Variants in RBM26 observed in about 807,000 individuals in gnomAD.
The protein encoded by RBM26 is RNA binding motif protein 26.
Under a neutral mutation model 123.6 loss-of-function variants are expected in RBM26, and 30 were observed. That is an observed-to-expected ratio of 0.24 (90% CI 0.18 to 0.33). The LOEUF (loss-of-function observed/expected upper bound fraction) is 0.33, where lower values mean the gene tolerates loss of function less well. Among genes scored for constraint, RBM26 ranks in the 10% least tolerant of loss-of-function variants. RBM26 has a pLI of 1.00. For missense variants in RBM26, 947 were observed against 1,203.6 expected, an observed-to-expected ratio of 0.79 and a Z score of 3.15; for synonymous variants, 400 against 404.4, an observed-to-expected ratio of 0.99 and a Z score of 0.13.
At chr13:79,405,649 G>T in intron 1 of RBM26, 55 bp downstream of exon 1, 1 of 1,297,778 alleles carries the variant, frequency 7.7e-7, no homozygotes, top group Non-Finnish European at 1.1e-6. Context: ...CAGATCTCTG[G>T]GTCCGCCTAT....
intron 20 of RBM26, among the ~76,000 whole-genome samples, chr13:79,330,898 ACTTAATAACTATTAAGTAT>A (rs1328360448): frequency 6.6e-6 from 1 of 152,152 alleles, no homozygotes; most frequent in Non-Finnish European, 1.5e-5. Flanking sequence ...ACATAGCAGC[ACTTAATAACTATTAAGTAT>A]CAGTAAAAAC....
rs567804901 is a variant in RBM26, at chr13:79,398,506, G to A, written c.71+7198C>T. ...GAAAGTCAATTTATCACAAGTTAAG[G>A]GGATAAAGAAATAAAGAAAAATGTT... is the stretch of plus-strand genomic sequence containing the variant. On this transcript the variant is annotated intron_variant, in intron 1 of 21. Coordinates refer to ENST00000438737, the MANE Select transcript of RBM26 (RefSeq NM_001366735.2). Among the ~76,000 whole-genome samples the A allele has an allele frequency of 4.2e-4, 64 of 152,174 alleles. 1 individual carries two copies. Among genetic ancestry groups the A allele is most frequent in the Admixed American group, 9.8e-4 (15 of 15,282 alleles).
chr13:79,373,487 TATA>T (rs2076299022), intron 3 of RBM26, among the ~76,000 whole-genome samples: 1 of 61,892 alleles, frequency 1.6e-5, no homozygotes, highest in South Asian at 4.9e-4. Context: ...TACAAATATA[TATA>T]ATATGTATAA....
intron 9 of RBM26, among the ~76,000 whole-genome samples, chr13:79,363,462 T>C (rs1276556435): frequency 2.6e-5 from 4 of 152,070 alleles, no homozygotes; most frequent in Non-Finnish European, 5.9e-5. Context: ...TTTGGATGGG[T>C]TGCTAAATCA....
At chr13:79,314,651 G>T (rs1055690806), downstream of RBM26, 9 of 158,882 alleles carry the variant, frequency 5.7e-5, no homozygotes, top group African/African-American at 2.2e-4. Flanking sequence ...AGATTTCCTA[G>T]ACACAATCCT....
chr13:79,352,780 A>C (rs528632025), intron 14 of RBM26, among the ~76,000 whole-genome samples: 1 of 152,328 alleles, frequency 6.6e-6, no homozygotes, highest in African/African-American at 2.4e-5. Context: ...AACGTCATGC[A>C]GTTAGTAAGT....
At chr13:79,332,858 A>G (rs1335504610) in intron 20 of RBM26, among the ~76,000 whole-genome samples, 1 of 152,170 alleles carries the variant, frequency 6.6e-6, no homozygotes, top group Non-Finnish European at 1.5e-5. Flanking sequence ...ATTTCCAAAA[A>G]TTATTTAAGA....
chr13:79,320,474 T>C lies in RBM26; in HGVS notation c.*147A>G. 1 of 1,262,706 alleles carries C rather than the reference T, an allele frequency of 7.9e-7. No individual in the cohort carries two copies. The highest frequency in any genetic ancestry group is 1.0e-6 in the Non-Finnish European group (1 of 1,000,382). 78.2% of individuals were successfully genotyped at this position (1,262,706 alleles called of 1,614,324 possible). A position where few individuals can be genotyped will look rare whatever the true frequency, so the allele number is the denominator to read the frequency against. ...TCTTTCAAAATACAAGATCAGAAGG[T>C]AGTTTTCTTCTTTTTTGTCTATTTG... On this transcript the variant is annotated 3_prime_UTR_variant, in exon 22 of 22. Transcript: ENST00000438737.
chr13:79,363,475 T>G (rs1300092242), intron 9 of RBM26, among the ~76,000 whole-genome samples: 1 of 152,092 alleles, frequency 6.6e-6, no homozygotes, highest in Non-Finnish European at 1.5e-5. Flanking sequence ...CTAAATCAGT[T>G]GTTTGGTACA....
At chr13:79,390,778 T>C (rs1378466459) in intron 1 of RBM26, among the ~76,000 whole-genome samples, 1 of 152,150 alleles carries the variant, frequency 6.6e-6, no homozygotes, top group Non-Finnish European at 1.5e-5. Context: ...TTTCTGTATA[T>C]TCAAAATTTT....
chr13:79,314,040 G>A (rs763957612), downstream of RBM26: 1 of 151,680 alleles, frequency 6.6e-6, no homozygotes, highest in African/African-American at 2.4e-5. Flanking sequence ...CAGAAACTAA[G>A]TGCAAACATT....
In RBM26 at chr13:79,365,850, A is replaced by G. The variant is rs1327595358; in HGVS notation, c.1277-132T>C. On this transcript the variant is annotated intron_variant, in intron 8 of 21. Coordinates refer to ENST00000438737, the MANE Select transcript of RBM26 (RefSeq NM_001366735.2). ...CATGCTCTATATGTATCAAAAAGAA[A>G]ATAACTTTATTTAAAAAAGTTATTA... is the stretch of plus-strand genomic sequence containing the variant. 4 of 963,212 alleles carry G rather than the reference A, an allele frequency of 4.2e-6. No homozygotes were observed. In the East Asian group the frequency reaches 1.1e-4, roughly 26 times the overall value. 59.7% of individuals were successfully genotyped at this position (963,212 alleles called of 1,614,324 possible). A position where few individuals can be genotyped will look rare whatever the true frequency, so the allele number is the denominator to read the frequency against.
chr13:79,404,806 A>T (rs1050982577), intron 1 of RBM26, among the ~76,000 whole-genome samples: 3 of 152,190 alleles, frequency 2.0e-5, no homozygotes, highest in African/African-American at 7.2e-5. Context: ...CTATTATTAC[A>T]ATAGTCACAA....
rs752226415 is a variant in RBM26, at chr13:79,355,269, T to C, written c.1805A>G (p.Tyr602Cys). The C allele has an allele frequency of 1.2e-6, 2 of 1,614,048 alleles. No individual in the cohort carries two copies. The highest frequency in any genetic ancestry group is 2.2e-5 in the East Asian group (1 of 44,862). ...TTGGGTGCTTCCTTCTCTGTGCCAA[T>C]AAACCTTAATAAAGCGATTGTTTAA... ...AVLNNRFIKV[Y>C]WHREGSTQQL... The change falls in exon 12 of 22, where the codon TAT becomes TGT. Residue 602 changes from tyrosine (Y) to cysteine (C), a missense_variant. Tyr to Cys is a radical substitution (Grantham distance 194). Coordinates refer to ENST00000438737, the MANE Select transcript of RBM26 (RefSeq NM_001366735.2).
intron 11 of RBM26, among the ~76,000 whole-genome samples, chr13:79,357,700 G>A (rs1259264671): frequency 6.6e-6 from 1 of 152,080 alleles, no homozygotes; most frequent in African/African-American, 2.4e-5. Context: ...AGAAACTGAG[G>A]AACTGAAAAC....
intron 18 of RBM26, among the ~76,000 whole-genome samples, chr13:79,339,146 G>T (rs138177162): frequency 1.4e-4 from 21 of 152,222 alleles, no homozygotes; most frequent in Non-Finnish European, 2.6e-4. Context: ...AATGCCAAGT[G>T]AAATAAGCCA....
rs1262147121 is a variant in RBM26, at chr13:79,355,295, T to C, written c.1779A>G (p.Val593=). 1 of 1,614,058 alleles carries C rather than the reference T, an allele frequency of 6.2e-7. No homozygotes were observed. Among genetic ancestry groups the C allele is most frequent in the Admixed American group, 1.7e-5 (1 of 60,030 alleles). ...AAACCTTAATAAAGCGATTGTTTAA[T>C]ACTGCTTCCGTACTTGATATTGCTT... ...AKKAISSTEA[V]LNNRFIKVYW... The change falls in exon 12 of 22, where the codon GTA becomes GTG. Residue 593 remains valine (V), a synonymous_variant. Transcript: ENST00000438737.
At chr13:79,327,102 C>A (rs1205605031) in intron 20 of RBM26, among the ~76,000 whole-genome samples, 2 of 151,948 alleles carry the variant, frequency 1.3e-5, no homozygotes, top group African/African-American at 4.8e-5. Context: ...TCAAGACCAG[C>A]CTGGACAACA....
chr13:79,398,475 G>C (rs2078782170), intron 1 of RBM26, among the ~76,000 whole-genome samples: 1 of 152,130 alleles, frequency 6.6e-6, no homozygotes, highest in Admixed American at 6.5e-5. Context: ...AGCAAAATGT[G>C]ATTATGAAAG....
Sources: gnomAD v4.1 joint callset for allele counts (sites outside exome capture counted in the v4.1 genomes callset) on GRCh38, gnomAD v4.1.1 for gene constraint, MANE v1.5 for transcripts, NCBI Gene and HGNC (gene_info 2026-07-23, HGNC 2026-07-21) for gene names.